The following MACROD2 variants were observed in gnomAD, a reference collection of about 807,000 sequenced individuals.
The protein encoded by MACROD2 is mono-ADP ribosylhydrolase 2, also known as ADP-ribose glycohydrolase MACROD2.
A neutral mutation model predicts 70.4 loss-of-function variants in MACROD2; 36 were observed. That is an observed-to-expected ratio of 0.51 (90% CI 0.39 to 0.68). The LOEUF (loss-of-function observed/expected upper bound fraction) is 0.68. Ranked by LOEUF, MACROD2 falls within the 30% of genes least tolerant of loss-of-function variation. The pLI is 0.00. For synonymous variants in MACROD2, 172 were observed against 178.8 expected, an observed-to-expected ratio of 0.96 and a Z score of 0.30; for missense variants, 496 against 538.4, an observed-to-expected ratio of 0.92 and a Z score of 0.78.
intron 12 of MACROD2, among the ~76,000 whole-genome samples, chr20:15,963,430 A>C (rs1197675740): frequency 6.6e-6 from 1 of 152,150 alleles, no homozygotes; most frequent in Non-Finnish European, 1.5e-5. Flanking sequence ...TCATGCAGTT[A>C]GTTTTATACT....
intron 8 of MACROD2, among the ~76,000 whole-genome samples, chr20:15,620,679 T>A (rs1220471706): frequency 1.3e-5 from 2 of 152,210 alleles, no homozygotes; most frequent in Non-Finnish European, 2.9e-5. Flanking sequence ...TTCCTAGAGC[T>A]ACTTACAGAG....
intron 5 of MACROD2, among the ~76,000 whole-genome samples, chr20:14,950,576 G>A (rs1452087895): frequency 6.6e-6 from 1 of 152,134 alleles, no homozygotes; most frequent in Non-Finnish European, 1.5e-5. Context: ...CCCACATTAG[G>A]TATTATTTTG....
At chr20:15,046,927 A>G (rs1014864969) in intron 5 of MACROD2, among the ~76,000 whole-genome samples, 15 of 152,202 alleles carry the variant, frequency 9.9e-5, no homozygotes, top group Admixed American at 8.5e-4. Context: ...TTTGTCAACT[A>G]TACTTCAATT....
chr20:14,424,113 A>AT (rs2083908938), intron 3 of MACROD2, among the ~76,000 whole-genome samples: 2 of 152,258 alleles, frequency 1.3e-5, no homozygotes, highest in South Asian at 4.1e-4. Flanking sequence ...TTTAAGGTAT[A>AT]CTTATGCCCT....
At chr20:14,026,596 C>T (rs910126642) in intron 2 of MACROD2, among the ~76,000 whole-genome samples, 1 of 152,162 alleles carries the variant, frequency 6.6e-6, no homozygotes, top group Admixed American at 6.5e-5. Context: ...TTCTCCTTCA[C>T]TTATGAAGCT....
At chr20:15,932,252 A>C (rs538095346) in intron 10 of MACROD2, among the ~76,000 whole-genome samples, 1 of 152,162 alleles carries the variant, frequency 6.6e-6, no homozygotes, top group African/African-American at 2.4e-5. Context: ...GCCAGCTTCA[A>C]CTTCTTTACA....
chr20:14,727,780 A>G (rs185066828), intron 5 of MACROD2, among the ~76,000 whole-genome samples: 64 of 152,318 alleles, frequency 4.2e-4, no homozygotes, highest in Admixed American at 2.0e-3. Flanking sequence ...TTCCACCTTT[A>G]GGGAAAGGGA....
chr20:15,714,949 GA>G (rs1262744596), intron 8 of MACROD2, among the ~76,000 whole-genome samples: 2 of 152,040 alleles, frequency 1.3e-5, no homozygotes, highest in African/African-American at 4.8e-5. Context: ...GAATTTTAAA[GA>G]GATCAAGAAG....
chr20:14,588,379 T>C (rs1350606555), intron 4 of MACROD2, among the ~76,000 whole-genome samples: 1 of 152,258 alleles, frequency 6.6e-6, no homozygotes, highest in African/African-American at 2.4e-5. Flanking sequence ...AAGTGTATTT[T>C]CTTCTTTACC....
chr20:15,490,175 C>CTTCCTCCT (rs1266477273), intron 7 of MACROD2, among the ~76,000 whole-genome samples: 5 of 149,300 alleles, frequency 3.3e-5, no homozygotes, highest in African/African-American at 7.5e-5. Flanking sequence ...TCCTCCTTTC[C>CTTCCTCCT]TTCCTTCCTT....
intron 6 of MACROD2, among the ~76,000 whole-genome samples, chr20:15,241,967 G>A (rs1336432102): frequency 6.6e-6 from 1 of 152,006 alleles, no homozygotes; most frequent in South Asian, 2.1e-4. Context: ...TCAACAAAAT[G>A]CAATTAGATT....
intron 5 of MACROD2, among the ~76,000 whole-genome samples, chr20:15,048,121 A>AAATAAATAAATAAATAAAAAAATAAAT (rs562714078): frequency 6.7e-6 from 1 of 149,714 alleles, no homozygotes; most frequent in Non-Finnish European, 1.5e-5. Flanking sequence ...AATAAATAAT[A>AAATAAATAAATAAATAAAAAAATAAAT]AAAAATTAGC....
At chr20:15,573,700 C>T (rs1440056839) in intron 8 of MACROD2, among the ~76,000 whole-genome samples, 1 of 152,070 alleles carries the variant, frequency 6.6e-6, no homozygotes, top group African/African-American at 2.4e-5. Flanking sequence ...CATCAAGCAA[C>T]CCCCTTGTGA....
chr20:14,376,637 C>G (rs549607237), intron 3 of MACROD2, among the ~76,000 whole-genome samples: 21 of 151,994 alleles, frequency 1.4e-4, no homozygotes, highest in Non-Finnish European at 2.6e-4. Flanking sequence ...ATAGTCCCAG[C>G]TTCTTGGAGG....
chr20:14,049,779 TAAAC>T (rs1390689779), intron 2 of MACROD2, among the ~76,000 whole-genome samples: 2 of 144,318 alleles, frequency 1.4e-5, no homozygotes, highest in African/African-American at 2.6e-5. Flanking sequence ...ACAACTAAAC[TAAAC>T]AAACAAAAAA....
At chr20:15,420,812 A>G (rs2046217667) in intron 6 of MACROD2, among the ~76,000 whole-genome samples, 1 of 152,112 alleles carries the variant, frequency 6.6e-6, no homozygotes. Flanking sequence ...AACGCTGGAT[A>G]TGGGAGTTCT....
chr20:14,965,800 G>A (rs150909205), intron 5 of MACROD2, among the ~76,000 whole-genome samples: 2,203 of 152,014 alleles, frequency 0.014, 38 homozygotes, highest in Admixed American at 0.038. Context: ...CATCATAGAG[G>A]TGATAAATTT....
chr20:14,049,184 AAAAAAC>A (rs1202369629), intron 2 of MACROD2, among the ~76,000 whole-genome samples: 13 of 29,246 alleles, frequency 4.4e-4, no homozygotes, highest in South Asian at 1.5e-3. Context: ...TAAAAAAAAA[AAAAAAC>A]AAAAAAACAA....
At chr20:14,696,903 T>C (rs561330511) in intron 5 of MACROD2, among the ~76,000 whole-genome samples, 4 of 152,160 alleles carry the variant, frequency 2.6e-5, no homozygotes, top group Non-Finnish European at 5.9e-5. Flanking sequence ...TTGTTCTTGC[T>C]TTTATGTTAC....
Sources: allele counts gnomAD v4.1 joint callset (sites outside exome capture counted in the v4.1 genomes callset), GRCh38; gene constraint gnomAD v4.1.1; transcripts MANE v1.5; gene names NCBI Gene and HGNC (gene_info 2026-07-23, HGNC 2026-07-21).